The following DNAAF10 variants were observed in gnomAD, a reference collection of about 807,000 sequenced individuals.
The protein encoded by DNAAF10 is dynein axonemal assembly factor 10, also known as WD repeat domain 92.
A neutral mutation model predicts 43.7 loss-of-function variants in DNAAF10; 28 were observed. The observed-to-expected ratio is 0.64, with a 90% CI of 0.48 to 0.88. The LOEUF (loss-of-function observed/expected upper bound fraction) is 0.88, where lower values mean the gene tolerates loss of function less well. DNAAF10 is among the 40% of genes least tolerant of loss of function. The pLI is 0.00. For synonymous variants in DNAAF10, 156 were observed against 157.3 expected, an observed-to-expected ratio of 0.99 and a Z score of 0.06; for missense variants, 403 against 439.1, an observed-to-expected ratio of 0.92 and a Z score of 0.73.
intron 1 of DNAAF10, among the ~76,000 whole-genome samples, chr2:68,150,491 G>A (rs1162202974): frequency 6.6e-6 from 1 of 152,194 alleles, no homozygotes; most frequent in African/African-American, 2.4e-5. Context: ...TCAGCACTTT[G>A]GGAGGCTGAG....
intron 1 of DNAAF10, among the ~76,000 whole-genome samples, chr2:68,156,606 C>T (rs1673623511): frequency 6.6e-6 from 1 of 152,160 alleles, no homozygotes; most frequent in Non-Finnish European, 1.5e-5. Context: ...CTTTGAATGT[C>T]CTACAGATCT....
intron 2 of DNAAF10, among the ~76,000 whole-genome samples, chr2:68,147,143 T>C (rs1471771683): frequency 1.3e-5 from 2 of 152,170 alleles, no homozygotes; most frequent in African/African-American, 4.8e-5. Flanking sequence ...TGCATTTTTA[T>C]ATACTGTATT....
intron 1 of DNAAF10, among the ~76,000 whole-genome samples, chr2:68,154,279 C>T (rs771276760): frequency 6.6e-6 from 1 of 152,092 alleles, no homozygotes; most frequent in Admixed American, 6.5e-5. Context: ...CGGAGTCTTG[C>T]TCTGTCACCC....
chr2:68,137,479 T>A lies in DNAAF10; in HGVS notation c.634-46A>T, dbSNP rs140542888. 6,061 of 1,543,672 alleles carry A rather than the reference T, an allele frequency of 3.9e-3. 30 individuals carry two copies. Among genetic ancestry groups the A allele is most frequent in the Middle Eastern group, 4.5e-3 (23 of 5,102 alleles). On this transcript the variant is annotated intron_variant, in intron 5 of 7. Coordinates refer to ENST00000295121, the MANE Select transcript of DNAAF10 (RefSeq NM_138458.4). Reference sequence around the variant, plus strand: ...TTATTGGTAGTCTCACCAGTATTACTCAGGAGGCTCTTTTATACTAAGTAA... The same window carrying A: ...TTATTGGTAGTCTCACCAGTATTACACAGGAGGCTCTTTTATACTAAGTAA...
At chr2:68,150,140 C>T (rs1316179879) in intron 1 of DNAAF10, among the ~76,000 whole-genome samples, 1 of 152,170 alleles carries the variant, frequency 6.6e-6, no homozygotes, top group Non-Finnish European at 1.5e-5. Flanking sequence ...CTAACCTACA[C>T]TCTTTGGTTC....
intron 1 of DNAAF10, among the ~76,000 whole-genome samples, chr2:68,154,041 C>T (rs1041956486): frequency 6.6e-6 from 1 of 151,772 alleles, no homozygotes; most frequent in Non-Finnish European, 1.5e-5. Context: ...GTGTGAGCAC[C>T]GCGCCCAGCC....
Position 68,141,788 on chromosome 2 carries a change from C to T in DNAAF10, c.423G>A (p.Val141=). The part of the protein sequence containing the change: ...EIVTGSRDGT[V]KVWDPRQKDD... ...CTTTTTGCCTTGGGTCCCACACCTT[C>T]ACAGTTCCTGCCATGCATAAAAGTG... Residue 141 remains valine, a synonymous_variant, in exon 4 of 8, where the codon GTG becomes GTA. Transcript: ENST00000295121. 1 of 1,614,082 alleles carries T rather than the reference C, an allele frequency of 6.2e-7. No individual in the cohort carries two copies. The highest frequency in any genetic ancestry group is 8.5e-7 in the Non-Finnish European group (1 of 1,179,964).
intron 5 of DNAAF10, 53 bp from the exon 6 acceptor site, chr2:68,137,486 GCT>G: frequency 6.6e-7 from 1 of 1,516,134 alleles, no homozygotes; most frequent in South Asian, 1.3e-5. Context: ...TACTCAGGAG[GCT>G]CTTTTATACT....
rs1310613000 is a variant in DNAAF10 at position 68,157,411 on chromosome 2, G to A, written c.33C>T (p.Ala11=). MSAFEKPQII[A]HIQKGFNYTV... ...TGTAGTTGAAGCCCTTCTGGATATG[G>A]GCGATGATCTGAGGCTTCTCGAAGG... is the stretch of plus-strand genomic sequence containing the variant. Residue 11 remains alanine, a synonymous_variant, in exon 1 of 8, where the codon GCC becomes GCT. Coordinates refer to ENST00000295121, the MANE Select transcript of DNAAF10 (RefSeq NM_138458.4). The A allele has an allele frequency of 1.2e-6, 2 of 1,614,164 alleles. No individual in the cohort carries two copies. Among genetic ancestry groups the A allele is most frequent in the Admixed American group, 3.3e-5 (2 of 60,026 alleles).
chr2:68,143,818 CTGAA>C (rs1345372580), intron 3 of DNAAF10, among the ~76,000 whole-genome samples: 45 of 152,212 alleles, frequency 3.0e-4, no homozygotes, highest in African/African-American at 1.0e-3. Flanking sequence ...GTGTGGTAGA[CTGAA>C]TGTTATTTTT....
chr2:68,141,732 T>C lies in DNAAF10; in HGVS notation c.479A>G (p.Gln160Arg), dbSNP rs763776076. The stretch of plus-strand genomic sequence containing the variant: ...CCAACAGTCTCTCTTGTTTTCTCCT[T>C]GTACAGGTTCCATATTAGCAACAGG... ...DDPVANMEPV[Q>R]GENKRDCWTV... The change falls in exon 4 of 8, where the codon CAA becomes CGA. Residue 160 changes from glutamine (Q) to arginine (R), a missense_variant. Physicochemically the swap from Gln to Arg is conservative, Grantham distance 43. Coordinates refer to ENST00000295121, the MANE Select transcript of DNAAF10 (RefSeq NM_138458.4). 3.1e-6 allele frequency: 5 copies of C among 1,614,178 alleles called. No individual in the cohort carries two copies. The highest frequency in any genetic ancestry group is 4.2e-6 in the Non-Finnish European group (5 of 1,180,032).
At chr2:68,146,157 G>A (rs1478759434) in intron 2 of DNAAF10, among the ~76,000 whole-genome samples, 1 of 152,146 alleles carries the variant, frequency 6.6e-6, no homozygotes, top group Non-Finnish European at 1.5e-5. Context: ...AGCTACTTGG[G>A]AGGCTGAGGC....
At chr2:68,143,096 C>T (rs955774077) in intron 3 of DNAAF10, among the ~76,000 whole-genome samples, 6 of 151,794 alleles carry the variant, frequency 4.0e-5, no homozygotes, top group Non-Finnish European at 7.4e-5. Context: ...AAGCTGGTTT[C>T]AAGTGATCTT....
chr2:68,151,602 T>G (rs779359692), intron 1 of DNAAF10, among the ~76,000 whole-genome samples: 4 of 152,160 alleles, frequency 2.6e-5, no homozygotes, highest in Non-Finnish European at 5.9e-5. Context: ...CATTCAACAT[T>G]TGTTGAATGA....
Position 68,157,331 on chromosome 2 carries a change from T to C in DNAAF10, c.113A>G (p.Asn38Ser), listed in dbSNP as rs1297229906. 1 of 1,614,182 alleles carries C rather than the reference T, an allele frequency of 6.2e-7. No homozygotes were observed. The highest frequency in any genetic ancestry group is 2.2e-5 in the East Asian group (1 of 44,876). The change falls in exon 1 of 8, where the codon AAC becomes AGC. Residue 38 changes from asparagine (N) to serine (S), a missense_variant. Asn to Ser is a conservative substitution (Grantham distance 46, BLOSUM62 1). Transcript: ENST00000295121. The stretch of plus-strand genomic sequence containing the variant: ...AATGACGCCGGTGCCCCGTGCGAAG[T>C]TGCCCATGGTCACAAATTTGGCGCT... ...PCSAKFVTMG[N>S]FARGTGVIQL...
chr2:68,144,130 C>T (rs1673255720), intron 3 of DNAAF10, among the ~76,000 whole-genome samples: 1 of 152,102 alleles, frequency 6.6e-6, no homozygotes, highest in African/African-American at 2.4e-5. Context: ...TGAGTTGGTG[C>T]CTTTGGAACT....
intron 1 of DNAAF10, among the ~76,000 whole-genome samples, chr2:68,150,110 G>A (rs900319398): frequency 2.0e-5 from 3 of 152,016 alleles, no homozygotes; most frequent in African/African-American, 7.2e-5. Flanking sequence ...GTGATTCCTA[G>A]GCCATGGAAG....
chr2:68,153,993 TC>T (rs1175239353), intron 1 of DNAAF10, among the ~76,000 whole-genome samples: 5 of 151,766 alleles, frequency 3.3e-5, no homozygotes, highest in African/African-American at 1.2e-4. Context: ...GACCTTGTGA[TC>T]CCCCCGCCTC....
At chr2:68,141,124 T>G (rs957327728) in intron 4 of DNAAF10, among the ~76,000 whole-genome samples, 2 of 152,152 alleles carry the variant, frequency 1.3e-5, no homozygotes, top group East Asian at 1.9e-4. Context: ...CAATTAGTCT[T>G]CCAAAGTCAA....
Sources: allele counts gnomAD v4.1 joint callset (sites outside exome capture counted in the v4.1 genomes callset), GRCh38; gene constraint gnomAD v4.1.1; transcripts MANE v1.5; gene names NCBI Gene and HGNC (gene_info 2026-07-23, HGNC 2026-07-21).